COL13A1: variants seen among roughly 807,000 people sequenced by gnomAD.
The protein encoded by COL13A1 is collagen type XIII alpha 1 chain, also known as collagen alpha-1(XIII) chain.
COL13A1 carries 89 observed loss-of-function variants against 130.9 expected under a neutral mutation model. The ratio of observed to expected loss-of-function variants is 0.68; its 90% CI spans 0.57 to 0.81. COL13A1 has a LOEUF of 0.81. Ranked by LOEUF, COL13A1 falls within the 30% of genes least tolerant of loss-of-function variation. The pLI is 0.00. For synonymous variants in COL13A1, 402 were observed against 341.6 expected (o/e 1.18, Z -1.95); for missense variants, 879 against 934.6 (o/e 0.94, Z 0.78).
intron 2 of COL13A1, among the ~76,000 whole-genome samples, chr10:69,839,504 C>A (rs1851009984): frequency 6.6e-6 from 1 of 152,178 alleles, no homozygotes; most frequent in Non-Finnish European, 1.5e-5. Flanking sequence ...TTGTGGGGGG[C>A]AGTGTTATCT....
chr10:69,814,863 A>G (rs1315013565), intron 1 of COL13A1, among the ~76,000 whole-genome samples: 3 of 152,250 alleles, frequency 2.0e-5, no homozygotes, highest in African/African-American at 7.2e-5. Flanking sequence ...GGCATGCACT[A>G]ATAATGTCAA....
intron 7 of COL13A1, among the ~76,000 whole-genome samples, chr10:69,885,384 A>T (rs2060505972): frequency 6.6e-6 from 1 of 152,220 alleles, no homozygotes; most frequent in Non-Finnish European, 1.5e-5. Flanking sequence ...GAAATATTGG[A>T]AGAGATGTCT....
At chr10:69,932,374 T>G (rs1412563066) in intron 30 of COL13A1, among the ~76,000 whole-genome samples, 186 bp from the exon 31 acceptor site, 1 of 152,116 alleles carries the variant, frequency 6.6e-6, no homozygotes, top group East Asian at 1.9e-4. Context: ...AGTATCAGCC[T>G]CTCCTCCCCT....
At chr10:69,854,725 T>C (rs1217867711) in intron 2 of COL13A1, among the ~76,000 whole-genome samples, 1 of 152,100 alleles carries the variant, frequency 6.6e-6, no homozygotes, top group African/African-American at 2.4e-5. Context: ...TGATTGGTTG[T>C]GGTTGCCAAG....
chr10:69,865,567 C>T (rs1432928449), intron 2 of COL13A1, among the ~76,000 whole-genome samples: 2 of 152,204 alleles, frequency 1.3e-5, no homozygotes, highest in East Asian at 3.8e-4. Context: ...TTTATAGCAC[C>T]TGTATAGCTC....
At chr10:69,901,407 G>A (rs936985402) in intron 14 of COL13A1, among the ~76,000 whole-genome samples, 1 of 152,200 alleles carries the variant, frequency 6.6e-6, no homozygotes, top group African/African-American at 2.4e-5. Flanking sequence ...CCCAGGTTGT[G>A]CACTCCTATT....
In COL13A1 at chr10:69,932,614, A is replaced by G. The variant is rs1373148786; in HGVS notation, c.1728+10A>G. 2 of 1,589,514 alleles carry G rather than the reference A, an allele frequency of 1.3e-6. No individual in the cohort carries two copies. Among genetic ancestry groups the G allele is most frequent in the Admixed American group, 3.3e-5 (2 of 59,890 alleles). On this transcript the variant is annotated intron_variant, in intron 31 of 40. Coordinates refer to ENST00000645393, the MANE Select transcript of COL13A1 (RefSeq NM_001368882.1). ...CAATCCAGGAGCAGAGGTACATGAG[A>G]GATAATTTGACAGAGACTCATCAAG...
rs537040655 is a variant in COL13A1, at chr10:69,910,285, G to A, written c.921+4463G>A. Among the ~76,000 whole-genome samples the A allele has an allele frequency of 1.7e-4, 26 of 152,150 alleles. No homozygotes were observed. The South Asian group carries it at 5.2e-3, about 30-fold the overall frequency. On this transcript the variant is annotated intron_variant, in intron 17 of 40. Transcript: ENST00000645393. Reference sequence around the variant, plus strand: ...GTTTGGCCTCCCCTACCACCCTGGGGAGGAGCAGTGCCAGCAGCTGGGGAT... The same window carrying A: ...GTTTGGCCTCCCCTACCACCCTGGGAAGGAGCAGTGCCAGCAGCTGGGGAT...
At chr10:69,838,893 T>G (rs1390679151) in intron 2 of COL13A1, among the ~76,000 whole-genome samples, 1 of 152,230 alleles carries the variant, frequency 6.6e-6, no homozygotes, top group Non-Finnish European at 1.5e-5. Context: ...CCTCACTGAG[T>G]AGCTTGGCGA....
chr10:69,909,903 G>T (rs891655763), intron 17 of COL13A1, among the ~76,000 whole-genome samples: 3 of 152,190 alleles, frequency 2.0e-5, no homozygotes, highest in African/African-American at 7.2e-5. Context: ...CATCCTGATT[G>T]TCTAAATGAG....
chr10:69,954,571 A>G lies in COL13A1; in HGVS notation c.2145+1603A>G, dbSNP rs2070272127. On this transcript the variant is annotated intron_variant, in intron 39 of 40. Transcript: ENST00000645393. ...ATTTGGGGGACAGAAGGGCATGATT[A>G]CAGAGTAGACTGAGAAGCTCTAGAA... Among the ~76,000 whole-genome samples the G allele has an allele frequency of 3.9e-5, 6 of 152,334 alleles. 1 individual carries two copies. In the South Asian group the frequency reaches 1.2e-3, roughly 32 times the overall value.
At chr10:69,950,979 G>T (rs1262056782) in intron 38 of COL13A1, among the ~76,000 whole-genome samples, 1 of 152,138 alleles carries the variant, frequency 6.6e-6, no homozygotes, top group Non-Finnish European at 1.5e-5. Flanking sequence ...CTCCCGAGTA[G>T]CTAGGATTAC....
intron 17 of COL13A1, among the ~76,000 whole-genome samples, chr10:69,907,535 A>C (rs1412019545): frequency 1.3e-5 from 2 of 152,172 alleles, no homozygotes; most frequent in African/African-American, 2.4e-5. Flanking sequence ...CACTGTCGCA[A>C]TCACACACCC....
chr10:69,915,529 C>A (rs16927048), intron 17 of COL13A1, among the ~76,000 whole-genome samples: 21,747 of 152,164 alleles, frequency 0.14, 1,639 homozygotes, highest in Middle Eastern at 0.25. Flanking sequence ...TTGTGTGTGC[C>A]GATTACAAAC....
chr10:69,896,355 C>T (rs2061640512), intron 13 of COL13A1, among the ~76,000 whole-genome samples: 1 of 152,194 alleles, frequency 6.6e-6, no homozygotes, highest in Non-Finnish European at 1.5e-5. Context: ...ATACGCACAG[C>T]TTCCTCCAGT....
Position 69,943,438 on chromosome 10 carries a change from C to G in COL13A1, c.1915-687C>G, listed in dbSNP as rs558016986. The stretch of plus-strand genomic sequence containing the variant: ...ATGTTGGAGGAGGCCAGAGCAAGCC[C>G]TGATGCTCCATGTCTAAGCCGTGAG... On this transcript the variant is annotated intron_variant, in intron 35 of 40. Coordinates refer to ENST00000645393, the MANE Select transcript of COL13A1 (RefSeq NM_001368882.1). Among the ~76,000 whole-genome samples, 51 of 152,360 alleles carry G rather than the reference C, an allele frequency of 3.3e-4. No individual in the cohort carries two copies. The South Asian group carries it at 7.3e-3, about 22-fold the overall frequency.
At chr10:69,953,414 C>T (rs1465252976) in intron 39 of COL13A1, among the ~76,000 whole-genome samples, 1 of 152,168 alleles carries the variant, frequency 6.6e-6, no homozygotes, top group Non-Finnish European at 1.5e-5. Context: ...CCAGAGTTAG[C>T]GTCTCCTCAG....
intron 7 of COL13A1, 40 bp from the exon 8 acceptor site, chr10:69,887,416 C>T (rs773118970): frequency 5.0e-6 from 8 of 1,606,342 alleles, no homozygotes; most frequent in Non-Finnish European, 6.0e-6. Flanking sequence ...CTGTCTCCTC[C>T]TTGCTCAATC....
chr10:69,918,223 C>A (rs1038021334), intron 18 of COL13A1, 62 bp from the exon 19 acceptor site: 4 of 1,507,144 alleles, frequency 2.7e-6, no homozygotes, highest in Non-Finnish European at 3.6e-6. Flanking sequence ...CACTGCCCCC[C>A]GCCCCCTGCT....
Sources: gnomAD v4.1 joint callset for allele counts (sites outside exome capture counted in the v4.1 genomes callset) on GRCh38, gnomAD v4.1.1 for gene constraint, MANE v1.5 for transcripts, NCBI Gene and HGNC (gene_info 2026-07-23, HGNC 2026-07-21) for gene names.